HIBCH: variants seen among roughly 807,000 people sequenced by gnomAD.
HIBCH encodes 3-hydroxyisobutyryl-CoA hydrolase, also known as 3-hydroxyisobutyryl-CoA hydrolase, mitochondrial.
A neutral mutation model predicts 58.2 loss-of-function variants in HIBCH; 50 were observed. The observed-to-expected ratio is 0.86, with a 90% CI of 0.68 to 1.09. HIBCH has a LOEUF of 1.09. HIBCH is among the 50% of genes least tolerant of loss of function. HIBCH has a pLI of 0.00. For synonymous variants in HIBCH, 151 were observed against 146.9 expected, an observed-to-expected ratio of 1.03 and a Z score of -0.20; for missense variants, 450 against 449.7, an observed-to-expected ratio of 1.00 and a Z score of -0.01.
At chr2:190,258,385 G>A (rs549999868) in intron 7 of HIBCH, among the ~76,000 whole-genome samples, 66 of 152,216 alleles carry the variant, frequency 4.3e-4, no homozygotes, top group East Asian at 3.3e-3. Context: ...ACAGCAAACC[G>A]GTACCAGAGA....
rs184885887 is a variant in HIBCH, at chr2:190,254,465, T to A, written c.518-2158A>T. ...TTTCTACTGTTTAAGCAACCAAGTT[T>A]GTGGTATTTTGTTATGCAGCCCTAA... On this transcript the variant is annotated intron_variant, in intron 7 of 13. Coordinates refer to ENST00000359678, the MANE Select transcript of HIBCH (RefSeq NM_014362.4). The surrounding 1 kb of genome is among the most constrained non-coding windows in gnomAD (Gnocchi z 5.0). Among the ~76,000 whole-genome samples, 4 of 152,350 alleles carry A rather than the reference T, an allele frequency of 2.6e-5. No homozygotes were observed. Among genetic ancestry groups the A allele is most frequent in the Admixed American group, 2.6e-4 (4 of 15,302 alleles).
intron 5 of HIBCH, among the ~76,000 whole-genome samples, chr2:190,288,077 T>C (rs1314487699): frequency 6.6e-6 from 1 of 151,630 alleles, no homozygotes; most frequent in Non-Finnish European, 1.5e-5. Flanking sequence ...CTTGATCACT[T>C]AAGCACAGGA....
At chr2:190,247,390 A>C (rs1234236978) in intron 9 of HIBCH, among the ~76,000 whole-genome samples, 1 of 152,144 alleles carries the variant, frequency 6.6e-6, no homozygotes, top group Non-Finnish European at 1.5e-5. Flanking sequence ...ACAACAGGAG[A>C]CTATCAAATG....
chr2:190,238,716 G>A (rs116678411), intron 11 of HIBCH, among the ~76,000 whole-genome samples: 1,765 of 152,310 alleles, frequency 0.012, 16 homozygotes, highest in Non-Finnish European at 0.018. Flanking sequence ...GCCCTCTGTG[G>A]CCCCCCAAAG....
intron 1 of HIBCH, among the ~76,000 whole-genome samples, chr2:190,313,232 C>CCTT (rs1553508234): frequency 6.6e-6 from 1 of 151,472 alleles, no homozygotes; most frequent in African/African-American, 2.4e-5. Context: ...CAGCCTATTC[C>CCTT]CCTTATTTAA....
At chr2:190,255,614 A>G (rs1686897445) in intron 7 of HIBCH, among the ~76,000 whole-genome samples, 2 of 152,354 alleles carry the variant, frequency 1.3e-5, no homozygotes, top group South Asian at 4.1e-4. Flanking sequence ...TGAATATCAG[A>G]AAACAAGCAA....
rs1289554745 is a variant in HIBCH, at chr2:190,214,811, G to T, written c.892-1736C>A. On this transcript the variant is annotated intron_variant, in intron 11 of 13. Coordinates refer to ENST00000359678, the MANE Select transcript of HIBCH (RefSeq NM_014362.4). This position sits in a 1 kb window ranked among gnomAD's most constrained non-coding sequence, Gnocchi z 5.5. ...CAAGGTAGAGGACAGGGAGATCGGG[G>T]GCAAGAGGAAGGTCGAGGAAAGAGG... 1 of 152,264 alleles carries T rather than the reference G, an allele frequency of 6.6e-6. No homozygotes were observed. Among genetic ancestry groups the T allele is most frequent in the African/African-American group, 2.4e-5 (1 of 41,434 alleles). 9.4% of individuals were successfully genotyped at this position (152,264 alleles called of 1,614,324 possible).
At chr2:190,196,347 G>A (rs916649488) in intron 1 of HIBCH, among the ~76,000 whole-genome samples, 4 of 152,108 alleles carry the variant, frequency 2.6e-5, no homozygotes, top group African/African-American at 9.6e-5. Flanking sequence ...TCCACACAAT[G>A]AATTTTTCAT....
At position 190,281,249 on chromosome 2, in the gene HIBCH, C is replaced by A. The variant is rs926105572; in HGVS notation, c.438+6337G>T. 6.6e-6 allele frequency among the ~76,000 whole-genome samples: 1 copy of A among 152,224 alleles called. No homozygotes were observed. Among genetic ancestry groups the A allele is most frequent in the Non-Finnish European group, 1.5e-5 (1 of 68,040 alleles). On this transcript the variant is annotated intron_variant, in intron 6 of 13. Coordinates refer to ENST00000359678, the MANE Select transcript of HIBCH (RefSeq NM_014362.4). The surrounding 1 kb of genome is among the most constrained non-coding windows in gnomAD (Gnocchi z 5.4). ...CCTTTGAAATCTAGGGAGAGGCTCACATGCCTTCCTAGCTCTGCTTTCTGA... is the reference window on the plus strand; with the variant it reads ...CCTTTGAAATCTAGGGAGAGGCTCAAATGCCTTCCTAGCTCTGCTTTCTGA...
intron 2 of HIBCH, among the ~76,000 whole-genome samples, chr2:190,298,171 T>A (rs924456725): frequency 3.9e-5 from 6 of 152,334 alleles, no homozygotes; most frequent in Admixed American, 3.9e-4. Context: ...GGCACCTGGT[T>A]TGGCTCCAAG....
chr2:190,236,940 T>A lies in HIBCH; in HGVS notation c.891+7947A>T, dbSNP rs1686292086. ...ATAAACTGATGCATTTTCCCCTTTA[T>A]CATACTCTTTCCCCAAAGCACAATG... is the stretch of plus-strand genomic sequence containing the variant. On this transcript the variant is annotated intron_variant, in intron 11 of 13. Transcript: ENST00000359678. The surrounding 1 kb of genome is among the most constrained non-coding windows in gnomAD (Gnocchi z 4.1). Among the ~76,000 whole-genome samples the A allele has an allele frequency of 6.6e-6, 1 of 152,102 alleles. No individual in the cohort carries two copies. Among genetic ancestry groups the A allele is most frequent in the Non-Finnish European group, 1.5e-5 (1 of 68,006 alleles).
intron 11 of HIBCH, among the ~76,000 whole-genome samples, chr2:190,222,737 G>C (rs1228725913): frequency 6.6e-6 from 1 of 152,158 alleles, no homozygotes; most frequent in Non-Finnish European, 1.5e-5. Context: ...TCTAGAACTA[G>C]AAATACCATT....
intron 2 of HIBCH, among the ~76,000 whole-genome samples, chr2:190,300,234 C>T (rs780509974): frequency 2.0e-5 from 3 of 152,108 alleles, no homozygotes; most frequent in Admixed American, 1.3e-4. Context: ...CTCTTTAAAT[C>T]GCGACACCGC....
At chr2:190,272,435 C>T (rs2664242) in intron 6 of HIBCH, among the ~76,000 whole-genome samples, 108,555 of 152,088 alleles carry the variant, frequency 0.71, 39,348 homozygotes, top group Non-Finnish European at 0.75. Flanking sequence ...AGCTCTCCTC[C>T]GCTTTTCTTC....
chr2:190,304,870 G>C lies in HIBCH; in HGVS notation c.78+5884C>G, dbSNP rs572468215. Among the ~76,000 whole-genome samples, 2 of 152,176 alleles carry C rather than the reference G, an allele frequency of 1.3e-5. No homozygotes were observed. The highest frequency in any genetic ancestry group is 3.9e-4 in the East Asian group (2 of 5,186). ...ACTAAAGCATTTAGAGATAAAATAG[G>C]ACGAATAATGTATCCCTGTGCTGGA... On this transcript the variant is annotated intron_variant, in intron 2 of 13. Coordinates refer to ENST00000359678, the MANE Select transcript of HIBCH (RefSeq NM_014362.4). The surrounding 1 kb of genome is among the most constrained non-coding windows in gnomAD (Gnocchi z 4.1).
In HIBCH at chr2:190,194,402, TAG is replaced by T. The variant is rs373496296; in HGVS notation, c.*18-4407_*18-4406del. ...GTGGGTGTATTTTTTAAAAAAATAA[TAG>T]ACTGTTTTTCAGAGCAGTTTTAAGT... On this transcript the variant is annotated intron_variant, in intron 1 of 1. Coordinates refer to the HIBCH transcript ENST00000399855. 2.4e-3 allele frequency among the ~76,000 whole-genome samples: 356 copies of T among 151,112 alleles called. 4 individuals are homozygous for T. Among genetic ancestry groups the T allele is most frequent in the Middle Eastern group, 0.017 (5 of 292 alleles).
At chr2:190,317,582 G>A (rs1033050464) in intron 1 of HIBCH, among the ~76,000 whole-genome samples, 1 of 152,154 alleles carries the variant, frequency 6.6e-6, no homozygotes, top group East Asian at 1.9e-4. Context: ...AGAATGGCAG[G>A]CACTGAAGTA....
chr2:190,302,034 A>T (rs907183110), intron 2 of HIBCH, among the ~76,000 whole-genome samples: 3 of 152,232 alleles, frequency 2.0e-5, no homozygotes, highest in East Asian at 1.9e-4. Flanking sequence ...AAGCAAAAAA[A>T]TTACCTAGGA....
intron 11 of HIBCH, among the ~76,000 whole-genome samples, chr2:190,228,378 A>G (rs571320745): frequency 3.7e-5 from 5 of 134,476 alleles, no homozygotes; most frequent in Admixed American, 1.6e-4. Context: ...AGAGCGGGGA[A>G]CACCACACAC....
Sources: allele counts gnomAD v4.1 joint callset (sites outside exome capture counted in the v4.1 genomes callset), GRCh38; gene constraint gnomAD v4.1.1; non-coding constraint Gnocchi (gnomAD v3.1); transcripts MANE v1.5; gene names NCBI Gene and HGNC (gene_info 2026-07-23, HGNC 2026-07-21).